Variants in ERC2 observed in about 807,000 individuals in gnomAD.
ERC2 encodes ELKS/RAB6-interacting/CAST family member 2.
A neutral mutation model predicts 114.8 loss-of-function variants in ERC2; 42 were observed. The ratio of observed to expected loss-of-function variants is 0.37; its 90% CI spans 0.29 to 0.47. The LOEUF (loss-of-function observed/expected upper bound fraction) is 0.47, where lower values mean the gene tolerates loss of function less well. Ranked by LOEUF, ERC2 falls within the 20% of genes least tolerant of loss-of-function variation. The pLI, the probability that ERC2 is intolerant of heterozygous loss-of-function variation, is 0.99. For missense variants in ERC2, 939 were observed against 1,150.7 expected (o/e 0.82, Z 2.66); for synonymous variants, 454 against 425.5 (o/e 1.07, Z -0.82).
At chr3:55,927,255 T>C (rs555930085) in intron 13 of ERC2, among the ~76,000 whole-genome samples, 1 of 152,310 alleles carries the variant, frequency 6.6e-6, no homozygotes, top group South Asian at 2.1e-4. Flanking sequence ...ATAAAGAGAC[T>C]GATCATGAAA....
At chr3:55,533,663 T>C (rs1323751261) in intron 17 of ERC2, among the ~76,000 whole-genome samples, 13 of 152,258 alleles carry the variant, frequency 8.5e-5, no homozygotes, top group Admixed American at 8.5e-4. Context: ...CCACTGGGGC[T>C]GGTGTGGAGA....
At chr3:56,005,477 CA>C (rs1266284950) in intron 10 of ERC2, among the ~76,000 whole-genome samples, 1 of 152,016 alleles carries the variant, frequency 6.6e-6, no homozygotes, top group Non-Finnish European at 1.5e-5. Context: ...CTAGTCAAGT[CA>C]TTACACGAAA....
chr3:56,206,446 G>A (rs990196605), intron 3 of ERC2, among the ~76,000 whole-genome samples: 9 of 152,188 alleles, frequency 5.9e-5, no homozygotes, highest in Admixed American at 5.2e-4. Flanking sequence ...CCCAAGAAAT[G>A]TTAGGTGAGT....
At chr3:55,824,126 C>A (rs1374494559) in intron 14 of ERC2, among the ~76,000 whole-genome samples, 1 of 152,178 alleles carries the variant, frequency 6.6e-6, no homozygotes, top group Non-Finnish European at 1.5e-5. Flanking sequence ...CCTGAACAAG[C>A]TAATTTTAAC....
At chr3:56,026,142 C>A (rs559096278) in intron 7 of ERC2, among the ~76,000 whole-genome samples, 2 of 148,330 alleles carry the variant, frequency 1.3e-5, no homozygotes, top group South Asian at 4.3e-4. Context: ...CTCGGCCTCC[C>A]GGGTTCAAGC....
rs142999073 is a variant in ERC2 at position 55,702,951 on chromosome 3, G to A, written c.2713-3439C>T. ...TGAGGCCCATTTTTATTTCCTTTGCGGTGTCTACCAAACTGCTGACCAGAC... is the reference window on the plus strand; with the variant it reads ...TGAGGCCCATTTTTATTTCCTTTGCAGTGTCTACCAAACTGCTGACCAGAC... On this transcript the variant is annotated intron_variant, in intron 15 of 17. Transcript: ENST00000288221. Among the ~76,000 whole-genome samples, 5 of 152,240 alleles carry A rather than the reference G, an allele frequency of 3.3e-5. No individual in the cohort carries two copies. In the East Asian group the frequency reaches 9.6e-4, roughly 29 times the overall value.
chr3:55,952,306 G>C (rs909002959), intron 12 of ERC2, among the ~76,000 whole-genome samples: 1 of 151,134 alleles, frequency 6.6e-6, no homozygotes, highest in Non-Finnish European at 1.5e-5. Context: ...AGGACATAAA[G>C]TATGATATAA....
At chr3:56,160,905 G>T (rs1364234424) in intron 4 of ERC2, among the ~76,000 whole-genome samples, 1 of 152,180 alleles carries the variant, frequency 6.6e-6, no homozygotes, top group Non-Finnish European at 1.5e-5. Flanking sequence ...TTGACATCGG[G>T]TAATATGATG....
chr3:55,867,222 C>T (rs553747890), intron 14 of ERC2, among the ~76,000 whole-genome samples: 1 of 152,066 alleles, frequency 6.6e-6, no homozygotes, highest in Admixed American at 6.6e-5. Context: ...TTCCTAATTC[C>T]CCTCTCAAAT....
chr3:56,389,267 C>A (rs1182458217), intron 2 of ERC2, among the ~76,000 whole-genome samples: 1 of 152,080 alleles, frequency 6.6e-6, no homozygotes, highest in Non-Finnish European at 1.5e-5. Flanking sequence ...TGCTAGTCAA[C>A]CAGACCTTGA....
At chr3:56,228,531 C>G (rs906028629) in intron 3 of ERC2, among the ~76,000 whole-genome samples, 1 of 152,196 alleles carries the variant, frequency 6.6e-6, no homozygotes, top group African/African-American at 2.4e-5. Context: ...TCTGTTGGAA[C>G]TTCCTTCCAT....
chr3:56,428,200 T>C (rs1054928528), intron 2 of ERC2, among the ~76,000 whole-genome samples: 1 of 152,126 alleles, frequency 6.6e-6, no homozygotes, highest in Non-Finnish European at 1.5e-5. Flanking sequence ...AGTATTTTAA[T>C]AGAACATAGT....
intron 13 of ERC2, among the ~76,000 whole-genome samples, chr3:55,919,227 A>G (rs1051238810): frequency 6.6e-6 from 1 of 152,108 alleles, no homozygotes; most frequent in Non-Finnish European, 1.5e-5. Flanking sequence ...AAAAGTTTCA[A>G]AATTAGCAGG....
intron 13 of ERC2, among the ~76,000 whole-genome samples, chr3:55,905,419 A>AGTGGTG (rs546135097): frequency 2.0e-4 from 30 of 151,282 alleles, no homozygotes; most frequent in Non-Finnish European, 4.1e-4. Context: ...AGTTTGGAGT[A>AGTGGTG]GTGGTGGTGG....
intron 12 of ERC2, among the ~76,000 whole-genome samples, chr3:55,975,109 G>T (rs950184714): frequency 6.6e-6 from 1 of 151,942 alleles, no homozygotes; most frequent in Admixed American, 6.6e-5. Context: ...GAGTGGACAA[G>T]TTACTTAACT....
intron 17 of ERC2, among the ~76,000 whole-genome samples, chr3:55,679,893 G>A (rs527344233): frequency 6.6e-6 from 1 of 152,106 alleles, no homozygotes; most frequent in South Asian, 2.1e-4. Flanking sequence ...CTAGTGTCCA[G>A]ACCCTGTCCG....
chr3:55,648,755 G>A (rs968576197), intron 17 of ERC2, among the ~76,000 whole-genome samples: 2 of 152,174 alleles, frequency 1.3e-5, no homozygotes, highest in Non-Finnish European at 2.9e-5. Context: ...GCCGAGGACT[G>A]AGCCCCAGGC....
Position 56,434,979 on chromosome 3 carries a change from T to A in ERC2, c.29A>T (p.Asn10Ile), listed in dbSNP as rs201465789. The change falls in exon 2 of 18, where the codon AAT becomes ATT. Residue 10 changes from asparagine to isoleucine, a missense_variant. By Grantham distance (149) the Asn-to-Ile change is moderately radical (BLOSUM62 -3). Transcript: ENST00000288221. MYGSARTIT[N>I]LEGSPSRSPR... ...GGATCTGGAAGGGCTACCTTCCAGATTGGTGATTGTTCTTGCACTTCCATA... is the reference window on the plus strand; with the variant it reads ...GGATCTGGAAGGGCTACCTTCCAGAATGGTGATTGTTCTTGCACTTCCATA... 3 of 1,611,762 alleles carry A rather than the reference T, an allele frequency of 1.9e-6. No individual in the cohort carries two copies. The highest frequency in any genetic ancestry group is 8.5e-7 in the Non-Finnish European group (1 of 1,179,682).
intron 2 of ERC2, among the ~76,000 whole-genome samples, chr3:56,384,896 G>C (rs2059879970): frequency 6.6e-6 from 1 of 151,986 alleles, no homozygotes; most frequent in Admixed American, 6.6e-5. Flanking sequence ...TATTTTACAT[G>C]TCCCAGTATC....
Sources: allele counts gnomAD v4.1 joint callset (sites outside exome capture counted in the v4.1 genomes callset), GRCh38; gene constraint gnomAD v4.1.1; transcripts MANE v1.5; gene names NCBI Gene and HGNC (gene_info 2026-07-23, HGNC 2026-07-21).